Variants in RPUSD3 observed in about 807,000 individuals in gnomAD.
RPUSD3 encodes mitochondrial mRNA pseudouridine synthase RPUSD3.
In RPUSD3, 36 loss-of-function variants were observed where a neutral mutation model predicts 35.1. That is an observed-to-expected ratio of 1.02 (90% CI 0.79 to 1.35). The LOEUF is 1.35. Among genes scored for constraint, RPUSD3 ranks in the 40% most tolerant of loss-of-function variants. RPUSD3 has a pLI of 0.00. For missense variants in RPUSD3, 486 were observed against 441.9 expected, an observed-to-expected ratio of 1.10 and a Z score of -0.89; for synonymous variants, 202 against 187.8, an observed-to-expected ratio of 1.08 and a Z score of -0.62.
At chr3:9,840,002 T>A in intron 7 of RPUSD3, 182 bp downstream of exon 7, 1 of 618,046 alleles carries the variant, frequency 1.6e-6, no homozygotes, top group African/African-American at 1.9e-5. Flanking sequence ...TGCCTCAGCC[T>A]CCCGAGTAGC....
At chr3:9,837,916 G>C in exon 9 of RPUSD3, 1 of 1,299,744 alleles carries the variant, frequency 7.7e-7, no homozygotes. Flanking sequence ...CACACAGCAA[G>C]CAAGTGGCCT....
At chr3:9,843,515 C>T in exon 2 of RPUSD3, 2 of 1,614,064 alleles carry the variant, frequency 1.2e-6, no homozygotes, top group Non-Finnish European at 1.7e-6. Context: ...CTCCTCCCGA[C>T]TGAGGTTTTT....
In RPUSD3 at chr3:9,843,621, C is replaced by T. The variant is rs2082136387; in HGVS notation, c.126-20G>A. On this transcript the variant is annotated intron_variant, in intron 1 of 8. Coordinates refer to ENST00000383820, the Ensembl canonical transcript of RPUSD3. ...TGATGCCTGGACAAGGAGGGAGAAG[C>T]AATGGGAGTCATTCCATCCCGAGGT... The T allele has an allele frequency of 1.2e-6, 2 of 1,612,562 alleles. No individual in the cohort carries two copies. Among genetic ancestry groups the T allele is most frequent in the African/African-American group, 1.3e-5 (1 of 74,912 alleles).
intron 7 of RPUSD3, 68 bp from the exon 8 acceptor site, chr3:9,839,239 T>TC: frequency 6.5e-7 from 1 of 1,539,412 alleles, no homozygotes; most frequent in Non-Finnish European, 8.8e-7. Flanking sequence ...GTATCACTCC[T>TC]CCCCTTTTCC....
At chr3:9,839,882 T>G in intron 7 of RPUSD3, 1 of 235,208 alleles carries the variant, frequency 4.3e-6, no homozygotes, top group South Asian at 6.2e-5. Context: ...CTGGCTCAAG[T>G]GCAGTTTTTT....
At chr3:9,842,279 A>G (rs200861836) in intron 2 of RPUSD3, 36 bp from the exon 3 acceptor site, 1 of 1,610,426 alleles carries the variant, frequency 6.2e-7, no homozygotes, top group East Asian at 2.2e-5. Context: ...AGCAAAAGCA[A>G]CGGTAACCCT....
intron 2 of RPUSD3, chr3:9,842,572 G>A (rs1322089200): frequency 1.4e-5 from 6 of 432,090 alleles, no homozygotes; most frequent in African/African-American, 9.9e-5. Context: ...CCCTGTTTTA[G>A]TTTATGCATA....
chr3:9,843,914 T>C lies in RPUSD3; in HGVS notation c.101A>G (p.Asp34Gly), dbSNP rs770845197. 9 of 1,605,698 alleles carry C rather than the reference T, an allele frequency of 5.6e-6. No homozygotes were observed. In the East Asian group the frequency reaches 1.8e-4, roughly 32 times the overall value. Residue 34 changes from aspartate to glycine, a missense_variant, in exon 1 of 9, where the codon GAC becomes GGC. By Grantham distance (94) the Asp-to-Gly change is moderately conservative (BLOSUM62 -1). Coordinates refer to ENST00000383820, the Ensembl canonical transcript of RPUSD3. The stretch of plus-strand genomic sequence containing the variant: ...CCGGGCTTCGGTGCCAAAGCCTGCG[T>C]CCTCGGGCACTGGGCGGACACCCAG...
At chr3:9,841,843 CTCT>C in intron 4 of RPUSD3, 137 bp downstream of exon 4, 1 of 726,072 alleles carries the variant, frequency 1.4e-6, no homozygotes, top group South Asian at 1.8e-5. Context: ...CATCGGCTTC[CTCT>C]TCTTCACAGT....
At chr3:9,841,836 CG>C in intron 4 of RPUSD3, 146 bp downstream of exon 4, 2 of 689,322 alleles carry the variant, frequency 2.9e-6, no homozygotes, top group Non-Finnish European at 5.0e-6. Context: ...CCAGAGCCAT[CG>C]GCTTCCTCTT....
chr3:9,837,864 T>C (rs1308988544), exon 9 of RPUSD3: 1 of 749,732 alleles, frequency 1.3e-6, no homozygotes, highest in Non-Finnish European at 2.1e-6. Flanking sequence ...TAGGAACTTT[T>C]ATTATCACAA....
chr3:9,843,772 G>A (rs1200308208), intron 1 of RPUSD3, 118 bp downstream of exon 1: 5 of 1,541,966 alleles, frequency 3.2e-6, no homozygotes, highest in Non-Finnish European at 4.4e-6. Context: ...GGAGGGCACC[G>A]AGGCTCAGAG....
intron 2 of RPUSD3, chr3:9,843,137 C>T (rs1420507351): frequency 3.5e-6 from 1 of 283,470 alleles, no homozygotes; most frequent in South Asian, 5.9e-5. Context: ...GGTGATCCGC[C>T]CGCGTCAGCA....
At chr3:9,839,586 T>G (rs2082073017) in intron 7 of RPUSD3, 1 of 156,494 alleles carries the variant, frequency 6.4e-6, no homozygotes. Flanking sequence ...AGTGCAGTTT[T>G]TTTTTTTTTT....
intron 8 of RPUSD3, 132 bp downstream of exon 8, chr3:9,838,900 G>A (rs934928196): frequency 4.9e-6 from 6 of 1,214,494 alleles, no homozygotes; most frequent in Non-Finnish European, 5.8e-6. Flanking sequence ...ATGTGGGTAC[G>A]GATACAGCCT....
At chr3:9,837,952 C>T in exon 9 of RPUSD3, 5 of 1,476,324 alleles carry the variant, frequency 3.4e-6, no homozygotes, top group Non-Finnish European at 4.5e-6. Flanking sequence ...TTAGGTTTGT[C>T]TGACTGCAGA....
At chr3:9,839,234 A>C in intron 7 of RPUSD3, 63 bp from the exon 8 acceptor site, 2 of 1,541,142 alleles carry the variant, frequency 1.3e-6, no homozygotes, top group Admixed American at 1.9e-5. Flanking sequence ...ACCCAGTATC[A>C]CTCCTCCCCT....
At position 9,843,881 on chromosome 3, in the gene RPUSD3, C is replaced by G; in HGVS notation, c.125+9G>C. 1 of 1,600,710 alleles carries G rather than the reference C, an allele frequency of 6.2e-7. No homozygotes were observed. The highest frequency in any genetic ancestry group is 8.5e-7 in the Non-Finnish European group (1 of 1,174,236). ...TCCGTCCCGCATGAGAGAGGGGGTA[C>G]TTAATCACCGGGCTTCGGTGCCAAA... On this transcript the variant is annotated intron_variant, in intron 1 of 8. Transcript: ENST00000383820.
chr3:9,840,170 G>T lies in RPUSD3; in HGVS notation c.724+14C>A. 1.2e-6 allele frequency: 2 copies of T among 1,606,012 alleles called. No homozygotes were observed. The highest frequency in any genetic ancestry group is 1.7e-6 in the Non-Finnish European group (2 of 1,175,844). ...AAGTGCAGTTTTAAAGGCTGGCTAG[G>T]GTGCCAGACCTACCTGTCAGTGGCT... is the stretch of plus-strand genomic sequence containing the variant. On this transcript the variant is annotated intron_variant, in intron 7 of 8. Transcript: ENST00000383820.
Sources: gnomAD v4.1 joint callset for allele counts on GRCh38, gnomAD v4.1.1 for gene constraint, MANE v1.5 for transcripts, NCBI Gene and HGNC (gene_info 2026-07-23, HGNC 2026-07-21) for gene names.